Variants in CLDN1 observed in about 807,000 individuals in gnomAD.
The protein encoded by CLDN1 is claudin 1.
Under a neutral mutation model 22.6 loss-of-function variants are expected in CLDN1, and 12 were observed. The ratio of observed to expected loss-of-function variants is 0.53; its 90% CI spans 0.34 to 0.86. The LOEUF is 0.86. Ranked by LOEUF, CLDN1 falls within the 40% of genes least tolerant of loss-of-function variation. The pLI is 0.02. For missense variants in CLDN1, 250 were observed against 269.5 expected, an observed-to-expected ratio of 0.93 and a Z score of 0.51; for synonymous variants, 99 against 103.8, an observed-to-expected ratio of 0.95 and a Z score of 0.28.
At chr3:190,321,316 C>T (rs533150387) in intron 1 of CLDN1, among the ~76,000 whole-genome samples, 6 of 152,290 alleles carry the variant, frequency 3.9e-5, no homozygotes, top group African/African-American at 1.4e-4. Context: ...CACCGTCAGC[C>T]TCTACAGAAG....
Position 190,313,048 on chromosome 3 carries a change from C to T in CLDN1, c.224-12G>A. 6 of 1,614,018 alleles carry T rather than the reference C, an allele frequency of 3.7e-6. No homozygotes were observed. The highest frequency in any genetic ancestry group is 5.1e-6 in the Non-Finnish European group (6 of 1,179,956). On this transcript the variant is annotated splice_polypyrimidine_tract_variant and intron_variant, in intron 1 of 3. Coordinates refer to ENST00000295522, the MANE Select transcript of CLDN1 (RefSeq NM_021101.5). The stretch of plus-strand genomic sequence containing the variant: ...TGCTTGCAATGTGCCTGGCAGAAAA[C>T]ATTTTAAAACATGTAAAAATATGCT...
intron 1 of CLDN1, among the ~76,000 whole-genome samples, chr3:190,314,562 ATT>A (rs11360108): frequency 0.078 from 11,249 of 143,732 alleles, 509 homozygotes; most frequent in East Asian, 0.17. Context: ...GCCTGGCTAA[ATT>A]TTTTTTTTTT....
At chr3:190,313,222 T>A in intron 1 of CLDN1, 186 bp from the exon 2 acceptor site, 2 of 606,918 alleles carry the variant, frequency 3.3e-6, no homozygotes, top group Non-Finnish European at 5.8e-6. Context: ...GAAAAACAAA[T>A]GCCAGGCTGG....
In CLDN1 at chr3:190,308,363, A is replaced by G; in HGVS notation, c.550T>C (p.Cys184Arg). The change falls in exon 4 of 4, where the codon TGT becomes CGT. Residue 184 changes from cysteine (C) to arginine (R), a missense_variant. Physicochemically the swap from Cys to Arg is radical, Grantham distance 180 (BLOSUM62 -3). Coordinates refer to ENST00000295522, the MANE Select transcript of CLDN1 (RefSeq NM_021101.5). ...LCLLGGALLCCSCPRKTTSYP... is the reference protein window; with the variant it reads ...LCLLGGALLCRSCPRKTTSYP... ...GAGGTTGTTTTTCGGGGACAGGAAC[A>G]GCAAAGTAGGGCACCTCCCAGAAGG... is the stretch of plus-strand genomic sequence containing the variant. 6.2e-7 allele frequency: 1 copy of G among 1,613,958 alleles called. No homozygotes were observed. Among genetic ancestry groups the G allele is most frequent in the African/African-American group, 1.3e-5 (1 of 75,030 alleles).
chr3:190,307,889 C>A lies in CLDN1; in HGVS notation c.*388G>T. 1 of 164,316 alleles carries A rather than the reference C, an allele frequency of 6.1e-6. No homozygotes were observed. Among genetic ancestry groups the A allele is most frequent in the Non-Finnish European group, 1.3e-5 (1 of 75,164 alleles). 10.2% of individuals were successfully genotyped at this position (164,316 alleles called of 1,614,324 possible). On this transcript the variant is annotated 3_prime_UTR_variant, in exon 4 of 4. Transcript: ENST00000295522. ...TCAATATGGAATTAAATACATTTAC[C>A]TATTTTAGAGATATTTTAAGTATGC...
chr3:190,308,323 C>G lies in CLDN1; in HGVS notation c.590G>C (p.Arg197Thr), dbSNP rs1398523231. Residue 197 changes from arginine (R) to threonine (T), a missense_variant, in exon 4 of 4, where the codon AGG becomes ACG. Physicochemically the swap from Arg to Thr is moderately conservative, Grantham distance 71. Coordinates refer to ENST00000295522, the MANE Select transcript of CLDN1 (RefSeq NM_021101.5). ...PRKTTSYPTP[R>T]PYPKPAPSSG... The stretch of plus-strand genomic sequence containing the variant: ...GGAAGGTGCAGGTTTTGGATAGGGC[C>G]TTGGTGTTGGGTAAGAGGTTGTTTT... 1 of 1,613,702 alleles carries G rather than the reference C, an allele frequency of 6.2e-7. No homozygotes were observed. Among genetic ancestry groups the G allele is most frequent in the Non-Finnish European group, 8.5e-7 (1 of 1,179,824 alleles).
intron 2 of CLDN1, among the ~76,000 whole-genome samples, chr3:190,311,550 C>A (rs1716618253): frequency 1.3e-5 from 2 of 151,804 alleles, no homozygotes; most frequent in African/African-American, 2.4e-5. Context: ...AAAATAAAGT[C>A]TATTCTAGTT....
chr3:190,311,565 T>G, intron 2 of CLDN1, among the ~76,000 whole-genome samples: 1 of 151,858 alleles, frequency 6.6e-6, no homozygotes, highest in East Asian at 1.9e-4. Context: ...CTAGTTTTTT[T>G]CTATTAGTAG....
chr3:190,313,744 A>G (rs142275677), intron 1 of CLDN1, among the ~76,000 whole-genome samples: 2 of 152,356 alleles, frequency 1.3e-5, no homozygotes, highest in African/African-American at 4.8e-5. Context: ...ATGTTGTAAA[A>G]TAGCACACAC....
chr3:190,313,057 A>G (rs780605188), intron 1 of CLDN1, 21 bp from the exon 2 acceptor site: 2 of 1,614,024 alleles, frequency 1.2e-6, no homozygotes, highest in East Asian at 4.5e-5. Context: ...ACATTTTAAA[A>G]CATGTAAAAA....
intron 3 of CLDN1, 133 bp downstream of exon 3, chr3:190,310,036 T>C: frequency 1.3e-6 from 1 of 748,578 alleles, no homozygotes; most frequent in Non-Finnish European, 2.4e-6. Context: ...CAGAGATCAT[T>C]TAAATTGTTT....
At position 190,322,044 on chromosome 3, in the gene CLDN1, C is replaced by G. The variant is rs1381480263; in HGVS notation, c.163G>C (p.Val55Leu). The G allele has an allele frequency of 2.5e-6, 4 of 1,614,070 alleles. No homozygotes were observed. The South Asian group carries it at 4.4e-5, about 18-fold the overall frequency. The change falls in exon 1 of 4, where the codon GTG (valine) becomes CTG (leucine). Residue 55 changes from valine to leucine, a missense_variant. Val to Leu is a conservative substitution (Grantham distance 32). Transcript: ENST00000295522. Reference sequence around the variant, plus strand: ...TGGATCTGCCCGGTGCTCTGCGACACGCAGGACATCCACAGCCCCTCGTAC... The same window carrying G: ...TGGATCTGCCCGGTGCTCTGCGACAGGCAGGACATCCACAGCCCCTCGTAC... Reference protein sequence around the residue: ...AMYEGLWMSCVSQSTGQIQCK... With the variant: ...AMYEGLWMSCLSQSTGQIQCK...
intron 1 of CLDN1, among the ~76,000 whole-genome samples, chr3:190,316,732 C>A (rs1037951290): frequency 1.3e-5 from 2 of 152,144 alleles, no homozygotes; most frequent in Admixed American, 6.5e-5. Flanking sequence ...ATGGATTTAT[C>A]AAATTTCAAT....
intron 2 of CLDN1, among the ~76,000 whole-genome samples, chr3:190,312,076 G>A (rs1467508033): frequency 2.6e-5 from 4 of 151,398 alleles, no homozygotes; most frequent in South Asian, 2.1e-4. Context: ...GATTACAGGC[G>A]TGCACCACCA....
rs757845652 is a variant in CLDN1, at chr3:190,322,235, G to T, written c.-29C>A. On this transcript the variant is annotated 5_prime_UTR_variant, in exon 1 of 4. It adds an upstream start codon to the 5' untranslated region. Coordinates refer to ENST00000295522, the MANE Select transcript of CLDN1 (RefSeq NM_021101.5). ...TCGCTCGGGCGCCCGCGCTGGCTCAGGGGTGGCAGGTGCAGAAGGCGGAGA... is the reference window on the plus strand; with the variant it reads ...TCGCTCGGGCGCCCGCGCTGGCTCATGGGTGGCAGGTGCAGAAGGCGGAGA... The T allele has an allele frequency of 6.2e-7, 1 of 1,603,602 alleles. No homozygotes were observed. The highest frequency in any genetic ancestry group is 1.7e-5 in the Admixed American group (1 of 59,930).
chr3:190,317,037 G>A (rs1177338126), intron 1 of CLDN1, among the ~76,000 whole-genome samples: 1 of 152,104 alleles, frequency 6.6e-6, no homozygotes, highest in African/African-American at 2.4e-5. Context: ...TGCCCTAATG[G>A]AATGATGAGT....
chr3:190,316,530 T>G (rs1329309226), intron 1 of CLDN1, among the ~76,000 whole-genome samples: 1 of 152,232 alleles, frequency 6.6e-6, no homozygotes, highest in Non-Finnish European at 1.5e-5. Context: ...TGTTACAAGT[T>G]ACAAGTGTTT....
rs1560074559 is a variant in CLDN1, at chr3:190,312,782, G to A, written c.388+90C>T. On this transcript the variant is annotated intron_variant, in intron 2 of 3. Coordinates refer to ENST00000295522, the MANE Select transcript of CLDN1 (RefSeq NM_021101.5). Reference sequence around the variant, plus strand: ...ATGTTTGCAGTTTGCCTTAGAGACTGAAATCAAGTATAATGAATCCAACGT... The same window carrying A: ...ATGTTTGCAGTTTGCCTTAGAGACTAAAATCAAGTATAATGAATCCAACGT... 7.5e-6 allele frequency: 11 copies of A among 1,471,884 alleles called. No homozygotes were observed. In the South Asian group the frequency reaches 1.0e-4, roughly 14 times the overall value. The allele number at this position is 1,471,884 out of a possible 1,614,324, so 91.2% of individuals were successfully genotyped here.
rs1716945126 is a variant in CLDN1, at chr3:190,322,191, G to T, written c.16C>A (p.Leu6Met). Residue 6 changes from leucine (L) to methionine (M), a missense_variant, in exon 1 of 4, where the codon CTG becomes ATG. Physicochemically the swap from Leu to Met is conservative, Grantham distance 15. Transcript: ENST00000295522. Reference protein sequence around the residue: MANAGLQLLGFILAFL... With the variant: MANAGMQLLGFILAFL... ...GCGAGAATGAAGCCCAACAGCTGCA[G>T]CCCCGCGTTGGCCATGACTCGCTCG... 5.0e-6 allele frequency: 8 copies of T among 1,613,848 alleles called. No homozygotes were observed. The highest frequency in any genetic ancestry group is 6.8e-6 in the Non-Finnish European group (8 of 1,179,982).
Sources: gnomAD v4.1 joint callset for allele counts (sites outside exome capture counted in the v4.1 genomes callset) on GRCh38, gnomAD v4.1.1 for gene constraint, MANE v1.5 for transcripts, NCBI Gene and HGNC (gene_info 2026-07-23, HGNC 2026-07-21) for gene names.